The following MIPOL1 variants were observed in gnomAD, a reference collection of about 807,000 sequenced individuals.
MIPOL1 encodes mirror-image polydactyly 1.
MIPOL1 carries 57 observed loss-of-function variants against 60.9 expected under a neutral mutation model. The ratio of observed to expected loss-of-function variants is 0.94; its 90% confidence interval spans 0.76 to 1.17. The LOEUF (loss-of-function observed/expected upper bound fraction) is 1.17. Among genes scored for constraint, MIPOL1 ranks in the 50% most tolerant of loss-of-function variants. The pLI, the probability that MIPOL1 is intolerant of heterozygous loss-of-function variation, is 0.00. For missense variants in MIPOL1, 551 were observed against 511.6 expected, an observed-to-expected ratio of 1.08 and a Z score of -0.74; for synonymous variants, 179 against 168.8, an observed-to-expected ratio of 1.06 and a Z score of -0.47.
intron 10 of MIPOL1, among the ~76,000 whole-genome samples, chr14:37,372,774 G>A (rs1012717800): frequency 1.1e-4 from 15 of 136,248 alleles, no homozygotes; most frequent in Admixed American, 1.5e-4. Flanking sequence ...AAAAAAAATT[G>A]CTAGGCATAG....
chr14:37,219,800 AC>A (rs1182812002), intron 1 of MIPOL1: 2 of 152,116 alleles, frequency 1.3e-5, no homozygotes, highest in African/African-American at 4.8e-5. Context: ...TTCTCTTTTC[AC>A]CAGTTTTTAC....
At position 37,221,387 on chromosome 14, in the gene MIPOL1, G is replaced by T. The variant is rs116658766; in HGVS notation, c.-199+23283G>T. ...CCATTCATGAGGGTGGAACCCTCAT[G>T]ACCTAATCACCTTTTAACAGTCCCA... On this transcript the variant is annotated intron_variant, in intron 1 of 12. Transcript: ENST00000684589. Among the ~76,000 whole-genome samples, 949 of 152,298 alleles carry T rather than the reference G, an allele frequency of 6.2e-3. 7 individuals are homozygous for T. Among genetic ancestry groups the T allele is most frequent in the African/African-American group, 0.02 (823 of 41,554 alleles).
intron 9 of MIPOL1, among the ~76,000 whole-genome samples, chr14:37,357,586 C>CT (rs1018020166): frequency 4.6e-5 from 7 of 152,316 alleles, no homozygotes; most frequent in African/African-American, 4.8e-5. Context: ...ATTATTTGGT[C>CT]TTTTTAAAAA....
intron 12 of MIPOL1, among the ~76,000 whole-genome samples, chr14:37,518,129 A>G (rs1566759780): frequency 6.6e-6 from 1 of 152,200 alleles, no homozygotes; most frequent in South Asian, 2.1e-4. Context: ...ACAGAAATAC[A>G]TGCAAAGAAA....
intron 11 of MIPOL1, among the ~76,000 whole-genome samples, chr14:37,434,799 A>G (rs2094136542): frequency 6.6e-6 from 1 of 151,258 alleles, no homozygotes; most frequent in Non-Finnish European, 1.5e-5. Flanking sequence ...TCATAATTAT[A>G]GAGGCCGTCT....
chr14:37,420,227 T>C lies in MIPOL1; in HGVS notation c.937-2628T>C, dbSNP rs76668277. On this transcript the variant is annotated intron_variant, in intron 10 of 12. Transcript: ENST00000684589. ...AGACTATCTCTGGAAGGAGGTACAA[T>C]GGACAGATAACTAGTAGTCTCAGGA... is the stretch of plus-strand genomic sequence containing the variant. Among the ~76,000 whole-genome samples the C allele has an allele frequency of 4.7e-3, 712 of 152,306 alleles. 4 individuals are homozygous for C. Among genetic ancestry groups the C allele is most frequent in the African/African-American group, 0.015 (632 of 41,570 alleles).
intron 11 of MIPOL1, among the ~76,000 whole-genome samples, chr14:37,451,563 G>A (rs1178217926): frequency 6.7e-6 from 1 of 150,134 alleles, no homozygotes; most frequent in Non-Finnish European, 1.5e-5. Flanking sequence ...TGTAGATGGT[G>A]ATTCTTGTAC....
At chr14:37,425,235 A>G (rs553057626) in intron 11 of MIPOL1, among the ~76,000 whole-genome samples, 9 of 152,306 alleles carry the variant, frequency 5.9e-5, no homozygotes, top group African/African-American at 1.7e-4. Context: ...CAAGAGGTAT[A>G]TGATGATGTT....
intron 12 of MIPOL1, among the ~76,000 whole-genome samples, chr14:37,522,196 T>C (rs2095418792): frequency 6.6e-6 from 1 of 152,082 alleles, no homozygotes; most frequent in African/African-American, 2.4e-5. Flanking sequence ...GTTAGCTAAA[T>C]TCAGATACAG....
chr14:37,363,471 G>T (rs1372971854), intron 9 of MIPOL1, among the ~76,000 whole-genome samples: 1 of 152,188 alleles, frequency 6.6e-6, no homozygotes, highest in Non-Finnish European at 1.5e-5. Flanking sequence ...TTGCAGAACA[G>T]CAAATATTGC....
intron 9 of MIPOL1, among the ~76,000 whole-genome samples, chr14:37,343,736 A>C (rs2090742843): frequency 6.6e-6 from 1 of 152,224 alleles, no homozygotes; most frequent in Admixed American, 6.5e-5. Flanking sequence ...TCTGCATGAT[A>C]TAATTCTTCA....
At chr14:37,269,821 G>GTCA (rs1361653860) in intron 5 of MIPOL1, among the ~76,000 whole-genome samples, 1 of 152,046 alleles carries the variant, frequency 6.6e-6, no homozygotes, top group East Asian at 1.9e-4. Flanking sequence ...TTTTGCAGTA[G>GTCA]TCATTATTAT....
chr14:37,339,909 G>A (rs1423706920), intron 9 of MIPOL1, among the ~76,000 whole-genome samples: 1 of 152,134 alleles, frequency 6.6e-6, no homozygotes, highest in Non-Finnish European at 1.5e-5. Flanking sequence ...TAGGGTGGTA[G>A]TAACAGAGAT....
intron 1 of MIPOL1, among the ~76,000 whole-genome samples, chr14:37,199,661 A>G (rs1964907504): frequency 6.6e-6 from 1 of 151,872 alleles, no homozygotes; most frequent in Non-Finnish European, 1.5e-5. Context: ...AGTAGCTGGG[A>G]CTACAGGTGC....
intron 7 of MIPOL1, among the ~76,000 whole-genome samples, chr14:37,302,270 T>C (rs939276339): frequency 6.7e-6 from 1 of 148,346 alleles, no homozygotes; most frequent in African/African-American, 2.5e-5. Context: ...TTGTTTTTTT[T>C]TTTTTTTTTT....
intron 9 of MIPOL1, among the ~76,000 whole-genome samples, chr14:37,359,102 A>T (rs934866144): frequency 1.3e-5 from 2 of 152,138 alleles, no homozygotes; most frequent in African/African-American, 4.8e-5. Flanking sequence ...TCCTTTCCCC[A>T]TTGCTAGTTT....
intron 9 of MIPOL1, among the ~76,000 whole-genome samples, chr14:37,341,355 A>G (rs1452891919): frequency 6.6e-6 from 1 of 152,166 alleles, no homozygotes; most frequent in African/African-American, 2.4e-5. Context: ...TATATTTCTA[A>G]AAAGAGCGTT....
At chr14:37,212,252 G>T (rs369669773) in intron 1 of MIPOL1, 4 of 152,148 alleles carry the variant, frequency 2.6e-5, no homozygotes, top group African/African-American at 9.7e-5. Flanking sequence ...CCACCGGTGG[G>T]TAGAACACTA....
chr14:37,220,790 T>C (rs981305563), intron 1 of MIPOL1, among the ~76,000 whole-genome samples: 1 of 152,172 alleles, frequency 6.6e-6, no homozygotes, highest in Non-Finnish European at 1.5e-5. Context: ...TTTATTTGCT[T>C]ATTAATAGAG....
Sources: gnomAD v4.1 joint callset for allele counts (sites outside exome capture counted in the v4.1 genomes callset) on GRCh38, gnomAD v4.1.1 for gene constraint, MANE v1.5 for transcripts, NCBI Gene and HGNC (gene_info 2026-07-23, HGNC 2026-07-21) for gene names.